QTGAL: variants seen among roughly 807,000 people sequenced by gnomAD.
QTGAL encodes BGnT-like protein 1.
chr17:82,994,711 C>T, the QTGAL span, among the ~76,000 whole-genome samples: 1 of 152,064 alleles, frequency 6.6e-6, no homozygotes, highest in Non-Finnish European at 1.5e-5. Context: ...CCAATTTTAC[C>T]CTGATACCAA....
At chr17:82,957,639 TAC>T in the QTGAL span, 1 of 1,199,048 alleles carries the variant, frequency 8.3e-7, no homozygotes, top group Non-Finnish European at 1.1e-6. Flanking sequence ...CTGGCTGTCC[TAC>T]AGTCAGGCCA....
At chr17:82,965,201 G>A in the QTGAL span, among the ~76,000 whole-genome samples, 14 of 138,746 alleles carry the variant, frequency 1.0e-4, no homozygotes, top group South Asian at 7.3e-4. Flanking sequence ...GCACTCCCAC[G>A]GGGGGGACGG....
chr17:82,951,808 T>TGGG, the QTGAL span, among the ~76,000 whole-genome samples: 1 of 50,024 alleles, frequency 2.0e-5, no homozygotes, highest in African/African-American at 8.3e-5. Context: ...AGGGGTGGGG[T>TGGG]GGGGGGGAGC....
At chr17:82,984,376 G>A in the QTGAL span, among the ~76,000 whole-genome samples, 3 of 148,362 alleles carry the variant, frequency 2.0e-5, no homozygotes, top group East Asian at 2.0e-4. Context: ...GAGAGGCCAC[G>A]TGATTATGCA....
chr17:82,964,620 G>A, the QTGAL span, among the ~76,000 whole-genome samples: 5 of 137,192 alleles, frequency 3.6e-5, no homozygotes, highest in East Asian at 6.6e-4. Context: ...ATGCCTGCAG[G>A]TGCACCCCCA....
chr17:82,958,986 T>C, the QTGAL span, among the ~76,000 whole-genome samples: 1 of 66,608 alleles, frequency 1.5e-5, no homozygotes, highest in Non-Finnish European at 2.8e-5. Context: ...TGGGGGTGTA[T>C]GGTGTGTGTG....
At chr17:82,972,587 G>C in the QTGAL span, among the ~76,000 whole-genome samples, 1 of 101,218 alleles carries the variant, frequency 9.9e-6, no homozygotes, top group Non-Finnish European at 1.9e-5. Context: ...ACCACACCAC[G>C]GGCCAGAAGG....
the QTGAL span, among the ~76,000 whole-genome samples, chr17:82,990,412 C>T: frequency 4.0e-4 from 61 of 152,386 alleles, no homozygotes; most frequent in African/African-American, 1.3e-3. Context: ...AAGAGACTCG[C>T]CATCGTAGGC....
chr17:82,987,482 A>G, the QTGAL span, among the ~76,000 whole-genome samples: 1 of 152,272 alleles, frequency 6.6e-6, no homozygotes, highest in Non-Finnish European at 1.5e-5. Context: ...TAATGAGCAG[A>G]TGAACCGTAT....
chr17:82,996,620 T>C, the QTGAL span, among the ~76,000 whole-genome samples: 13 of 151,132 alleles, frequency 8.6e-5, no homozygotes, highest in African/African-American at 3.2e-4. Context: ...AGGAACAAAA[T>C]TGGAGGAATC....
chr17:83,000,981 A>C, the QTGAL span, among the ~76,000 whole-genome samples: 1 of 152,176 alleles, frequency 6.6e-6, no homozygotes, highest in Admixed American at 6.6e-5. Flanking sequence ...GGACAGGAGG[A>C]AACTTGGGGT....
chr17:82,978,332 A>AT, the QTGAL span, among the ~76,000 whole-genome samples: 3 of 152,128 alleles, frequency 2.0e-5, no homozygotes, highest in African/African-American at 7.2e-5. The surrounding 1 kb of genome is among the most constrained non-coding windows in gnomAD (Gnocchi z 4.8). Context: ...TCGGAGATGG[A>AT]TATGTTGAAT....
At chr17:83,041,217 T>C in the QTGAL span, among the ~76,000 whole-genome samples, 30,944 of 151,666 alleles carry the variant, frequency 0.2, 3,306 homozygotes, top group Non-Finnish European at 0.24. Flanking sequence ...CAAAGAAGAA[T>C]GAAGAAAGTG....
At chr17:83,032,107 C>T in the QTGAL span, among the ~76,000 whole-genome samples, 15,842 of 111,560 alleles carry the variant, frequency 0.14, 217 homozygotes, top group African/African-American at 0.18. Context: ...GCCAGGCCTC[C>T]GACCCAGACC....
At chr17:82,994,673 G>C in the QTGAL span, among the ~76,000 whole-genome samples, 1 of 152,024 alleles carries the variant, frequency 6.6e-6, no homozygotes, top group Admixed American at 6.6e-5. Flanking sequence ...AGAGGAGGAA[G>C]GAATACTTCC....
the QTGAL span, among the ~76,000 whole-genome samples, chr17:83,017,486 G>A: frequency 6.6e-6 from 1 of 152,058 alleles, no homozygotes; most frequent in South Asian, 2.1e-4. Context: ...CACCGAGTAT[G>A]GTGCTGCACG....
chr17:83,006,585 C>T, the QTGAL span: 1 of 985,380 alleles, frequency 1.0e-6, no homozygotes, highest in East Asian at 1.1e-4. The surrounding 1 kb of genome is among the most constrained non-coding windows in gnomAD (Gnocchi z 5.8). Context: ...CTTACAGCCA[C>T]TGGCAGCCCC....
the QTGAL span, among the ~76,000 whole-genome samples, chr17:82,970,903 T>C: frequency 6.6e-6 from 1 of 152,214 alleles, no homozygotes; most frequent in African/African-American, 2.4e-5. Flanking sequence ...GGCCTCAGGC[T>C]GCTTTAACCC....
chr17:83,018,158 C>T, the QTGAL span, among the ~76,000 whole-genome samples: 2 of 151,450 alleles, frequency 1.3e-5, no homozygotes, highest in African/African-American at 4.9e-5. Flanking sequence ...ACACATGCTC[C>T]GCGAACATGG....
Sources: allele counts gnomAD v4.1 joint callset (sites outside exome capture counted in the v4.1 genomes callset), GRCh38; gene constraint gnomAD v4.1.1; non-coding constraint Gnocchi (gnomAD v3.1); transcripts MANE v1.5; gene names NCBI Gene and HGNC (gene_info 2026-07-23, HGNC 2026-07-21).